The following BRIP1 variants were observed in gnomAD, a reference collection of about 807,000 sequenced individuals.
BRIP1 encodes BRCA1 interacting DNA helicase 1.
In BRIP1, 88 loss-of-function variants were observed where a neutral mutation model predicts 119.7. The observed-to-expected ratio is 0.74, with a 90% CI of 0.62 to 0.88. The LOEUF (loss-of-function observed/expected upper bound fraction) is 0.88, where lower values mean the gene tolerates loss of function less well. BRIP1 is among the 40% of genes least tolerant of loss of function. The pLI is 0.00. For synonymous variants in BRIP1, 443 were observed against 496.5 expected (o/e 0.89, Z 1.43); for missense variants, 1,259 against 1,455.4 (o/e 0.87, Z 2.20).
rs2077088319 is a variant in BRIP1, at chr17:61,748,522, A to G, written c.2098-3931T>C. On this transcript the variant is annotated intron_variant, in intron 14 of 19. Transcript: ENST00000259008. This position sits in a 1 kb window ranked among gnomAD's most constrained non-coding sequence, Gnocchi z 4.7. The stretch of plus-strand genomic sequence containing the variant: ...ACTTGGAATAATCAAAACAATCTTG[A>G]GAAAGAACAACAAAGCTAGAGGCAT... 1.3e-5 allele frequency among the ~76,000 whole-genome samples: 2 copies of G among 152,238 alleles called. No homozygotes were observed. The highest frequency in any genetic ancestry group is 2.9e-5 in the Non-Finnish European group (2 of 68,046).
At position 61,813,791 on chromosome 17, in the gene BRIP1, C is replaced by T. The variant is rs375644454; in HGVS notation, c.628-5034G>A. 1.5e-3 allele frequency among the ~76,000 whole-genome samples: 222 copies of T among 152,044 alleles called. 1 individual carries two copies. Among genetic ancestry groups the T allele is most frequent in the African/African-American group, 5.2e-3 (214 of 41,526 alleles). On this transcript the variant is annotated intron_variant, in intron 6 of 19. Coordinates refer to ENST00000259008, the MANE Select transcript of BRIP1 (RefSeq NM_032043.3). ...ATTGGAATCCCTATATATCAAGCCA[C>T]GGAGAAGACAATGACAAGGATCACC...
Position 61,799,439 on chromosome 17 carries a change from T to A in BRIP1, c.1141-140A>T. The A allele has an allele frequency of 2.9e-6, 2 of 681,866 alleles. No homozygotes were observed. Among genetic ancestry groups the A allele is most frequent in the Non-Finnish European group, 4.9e-6 (2 of 405,188 alleles). The allele number at this position is 681,866 out of a possible 1,614,324, so 42.2% of individuals were successfully genotyped here. ...CATAAGCAACAGAGATTCTAGGTCT[T>A]AAATAAAACTTCTGAAGCACTATGG... On this transcript the variant is annotated intron_variant, in intron 8 of 19. Transcript: ENST00000259008. This position sits in a 1 kb window ranked among gnomAD's most constrained non-coding sequence, Gnocchi z 5.1.
At position 61,808,677 on chromosome 17, in the gene BRIP1, A is replaced by T. The variant is rs775721645; in HGVS notation, c.708T>A (p.Asp236Glu). The T allele has an allele frequency of 6.2e-7, 1 of 1,613,894 alleles. No homozygotes were observed. Among genetic ancestry groups the T allele is most frequent in the Non-Finnish European group, 8.5e-7 (1 of 1,179,846 alleles). Residue 236 changes from aspartate (D) to glutamate (E), a missense_variant, in exon 7 of 20, where the codon GAT becomes GAA. Asp to Glu is a conservative substitution (Grantham distance 45). Around this residue, in one of 3 missense-constraint regions of BRIP1, gnomAD observed 501 missense variants for 544.0 expected, o/e 0.92. Transcript: ENST00000259008. The surrounding 1 kb of genome is among the most constrained non-coding windows in gnomAD (Gnocchi z 4.1). ...TGGGTATCTTGGATTTCCCTGTATGATCCTTCTTAATGGTATTCGATGACT... is the reference window on the plus strand; with the variant it reads ...TGGGTATCTTGGATTTCCCTGTATGTTCCTTCTTAATGGTATTCGATGACT... ...SQESSNTIKK[D>E]HTGKSKIPKI...
chr17:61,713,135 G>A lies in BRIP1; in HGVS notation c.2492+2816C>T, dbSNP rs1305933778. Reference sequence around the variant, plus strand: ...CATTATAGCACAATGCATTACAAGTGCTTGTGGCGATGCTGGTGTAAACAA... The same window carrying A: ...CATTATAGCACAATGCATTACAAGTACTTGTGGCGATGCTGGTGTAAACAA... On this transcript the variant is annotated intron_variant, in intron 17 of 19. Transcript: ENST00000259008. This position sits in a 1 kb window ranked among gnomAD's most constrained non-coding sequence, Gnocchi z 4.9. Among the ~76,000 whole-genome samples, 1 of 152,132 alleles carries A rather than the reference G, an allele frequency of 6.6e-6. No individual in the cohort carries two copies. The highest frequency in any genetic ancestry group is 2.4e-5 in the African/African-American group (1 of 41,412).
In BRIP1 at chr17:61,832,276, TC is replaced by T. The variant is rs1292314547; in HGVS notation, c.627+14824del. On this transcript the variant is annotated intron_variant, in intron 6 of 19. Coordinates refer to ENST00000259008, the MANE Select transcript of BRIP1 (RefSeq NM_032043.3). This position sits in a 1 kb window ranked among gnomAD's most constrained non-coding sequence, Gnocchi z 5.5. ...TTTCCCACTTGAGTACCAAAACAAA[TC>T]ATATAATAATTATAACTCACCGAAT... 1.3e-5 allele frequency among the ~76,000 whole-genome samples: 2 copies of T among 152,128 alleles called. No homozygotes were observed. Among genetic ancestry groups the T allele is most frequent in the Non-Finnish European group, 2.9e-5 (2 of 67,968 alleles).
At position 61,823,757 on chromosome 17, in the gene BRIP1, A is replaced by ACACAC. The variant is rs750774935; in HGVS notation, c.628-15001_628-15000insGTGTG. Among the ~76,000 whole-genome samples, 5 of 131,672 alleles carry ACACAC rather than the reference A, an allele frequency of 3.8e-5. No homozygotes were observed. The highest frequency in any genetic ancestry group is 1.3e-4 in the African/African-American group (5 of 37,740). 86.4% of individuals were successfully genotyped at this position (131,672 alleles called of 152,430 possible). ...GCTCAATGACCCCAAGCACACAATA[A>ACACAC]ACACACACACACACACACACACACA... On this transcript the variant is annotated intron_variant, in intron 6 of 19. Coordinates refer to ENST00000259008, the MANE Select transcript of BRIP1 (RefSeq NM_032043.3). This position sits in a 1 kb window ranked among gnomAD's most constrained non-coding sequence, Gnocchi z 4.8.
chr17:61,807,978 G>A lies in BRIP1; in HGVS notation c.918+489C>T, dbSNP rs2078098765. On this transcript the variant is annotated intron_variant, in intron 7 of 19. Coordinates refer to ENST00000259008, the MANE Select transcript of BRIP1 (RefSeq NM_032043.3). The surrounding 1 kb of genome is among the most constrained non-coding windows in gnomAD (Gnocchi z 4.5). ...TAATAATTTAGTATAACTTTTAAAA[G>A]AGGGGTTTGTATTTATCAGAATTAT... 6.6e-6 allele frequency among the ~76,000 whole-genome samples: 1 copy of A among 152,036 alleles called. No homozygotes were observed. The highest frequency in any genetic ancestry group is 1.5e-5 in the Non-Finnish European group (1 of 67,976).
rs964323878 is a variant in BRIP1 at position 61,860,005 on chromosome 17, T to C, written c.94-98A>G. 8.5e-6 allele frequency: 7 copies of C among 822,410 alleles called. No individual in the cohort carries two copies. Among genetic ancestry groups the C allele is most frequent in the African/African-American group, 6.8e-5 (4 of 58,904 alleles). The allele number at this position is 822,410 out of a possible 1,614,324, so 50.9% of individuals were successfully genotyped here. ...AATAGAACAGCAAGGAAAAGTGAGA[T>C]TGCACTCCAGGGAACACAACAATAG... On this transcript the variant is annotated intron_variant, in intron 2 of 19. Coordinates refer to ENST00000259008, the MANE Select transcript of BRIP1 (RefSeq NM_032043.3). The surrounding 1 kb of genome is among the most constrained non-coding windows in gnomAD (Gnocchi z 4.1).
In BRIP1 at chr17:61,851,896, G is replaced by A. The variant is rs141792056; in HGVS notation, c.380-2640C>T. Among the ~76,000 whole-genome samples the A allele has an allele frequency of 2.0e-4, 30 of 152,248 alleles. No homozygotes were observed. Among genetic ancestry groups the A allele is most frequent in the African/African-American group, 7.0e-4 (29 of 41,552 alleles). On this transcript the variant is annotated intron_variant, in intron 4 of 19. Transcript: ENST00000259008. This position sits in a 1 kb window ranked among gnomAD's most constrained non-coding sequence, Gnocchi z 4.6. ...ACCACTTCTCATCCCAGGCATACTG[G>A]GCAATGTCTGGAGACATTTTTCGTT...
rs2061648920 is a variant in BRIP1, at chr17:61,703,552, G to T, written c.2493-10040C>A. ...TCTGGATATTAGACGTTTGTAAGAT[G>T]CATAGTTTGCAAACATTTTCTCGCA... On this transcript the variant is annotated intron_variant, in intron 17 of 19. Coordinates refer to ENST00000259008, the MANE Select transcript of BRIP1 (RefSeq NM_032043.3). This position sits in a 1 kb window ranked among gnomAD's most constrained non-coding sequence, Gnocchi z 5.0. 6.6e-6 allele frequency among the ~76,000 whole-genome samples: 1 copy of T among 152,154 alleles called. No homozygotes were observed. The highest frequency in any genetic ancestry group is 2.4e-5 in the African/African-American group (1 of 41,430).
chr17:61,801,146 T>C, intron 8 of BRIP1, 107 bp downstream of exon 8: 1 of 948,926 alleles, frequency 1.1e-6, no homozygotes, highest in Non-Finnish European at 1.6e-6. Flanking sequence ...ACAAATTTAT[T>C]TACATAAATT....
chr17:61,814,326 C>T lies in BRIP1; in HGVS notation c.628-5569G>A, dbSNP rs1264950045. On this transcript the variant is annotated intron_variant, in intron 6 of 19. Transcript: ENST00000259008. This position sits in a 1 kb window ranked among gnomAD's most constrained non-coding sequence, Gnocchi z 4.9. ...AAGAAAAATAGGTAAAAAGGGGGCACAGGCTGACAGAAGATACTTGCAGTG... is the reference window on the plus strand; with the variant it reads ...AAGAAAAATAGGTAAAAAGGGGGCATAGGCTGACAGAAGATACTTGCAGTG... 6.6e-6 allele frequency among the ~76,000 whole-genome samples: 1 copy of T among 152,018 alleles called. No individual in the cohort carries two copies. The highest frequency in any genetic ancestry group is 6.6e-5 in the Admixed American group (1 of 15,264).
rs1327587646 is a variant in BRIP1, at chr17:61,686,792, C to T, written c.2576-627G>A. 6.6e-6 allele frequency among the ~76,000 whole-genome samples: 1 copy of T among 151,952 alleles called. No individual in the cohort carries two copies. The highest frequency in any genetic ancestry group is 1.5e-5 in the Non-Finnish European group (1 of 67,968). ...TTTGACCTGTGACATAAAAACTGCA[C>T]AAAAATGAAACCTAAGAGTTTAAGG... On this transcript the variant is annotated intron_variant, in intron 18 of 19. Coordinates refer to ENST00000259008, the MANE Select transcript of BRIP1 (RefSeq NM_032043.3). The surrounding 1 kb of genome is among the most constrained non-coding windows in gnomAD (Gnocchi z 5.4).
In BRIP1 at chr17:61,708,952, A is replaced by G. The variant is rs1437088364; in HGVS notation, c.2492+6999T>C. 3.9e-5 allele frequency among the ~76,000 whole-genome samples: 6 copies of G among 152,216 alleles called. No individual in the cohort carries two copies. Among genetic ancestry groups the G allele is most frequent in the Non-Finnish European group, 5.9e-5 (4 of 68,044 alleles). Reference sequence around the variant, plus strand: ...CATTCAGTATGTAAAATCCCCGTATATAATATTAACCTCCATCTTTAATAC... The same window carrying G: ...CATTCAGTATGTAAAATCCCCGTATGTAATATTAACCTCCATCTTTAATAC... On this transcript the variant is annotated intron_variant, in intron 17 of 19. Transcript: ENST00000259008. The surrounding 1 kb of genome is among the most constrained non-coding windows in gnomAD (Gnocchi z 4.4).
In BRIP1 at chr17:61,856,945, TAGAG is replaced by T. The variant is rs2078903452; in HGVS notation, c.379+109_379+112del. On this transcript the variant is annotated intron_variant, in intron 4 of 19. Transcript: ENST00000259008. This position sits in a 1 kb window ranked among gnomAD's most constrained non-coding sequence, Gnocchi z 5.1. ...TTAAAATCATTCCAGAGAAACTAGA[TAGAG>T]ATATATAATCAGTTATGCTAACCAA... 2 of 1,020,176 alleles carry T rather than the reference TAGAG, an allele frequency of 2.0e-6. No homozygotes were observed. Among genetic ancestry groups the T allele is most frequent in the Admixed American group, 3.5e-5 (2 of 57,264 alleles). The allele number at this position is 1,020,176 out of a possible 1,614,324, so 63.2% of individuals were successfully genotyped here. A position where few individuals can be genotyped will look rare whatever the true frequency, so the allele number is the denominator to read the frequency against.
Position 61,724,301 on chromosome 17 carries a change from G to T in BRIP1, c.2380-8238C>A, listed in dbSNP as rs923922099. ...TACCATTATATCATAATGTACTTGA[G>T]ATTGAACAGAAAGTTTCTTAAGTTC... On this transcript the variant is annotated intron_variant, in intron 16 of 19. Coordinates refer to ENST00000259008, the MANE Select transcript of BRIP1 (RefSeq NM_032043.3). The surrounding 1 kb of genome is among the most constrained non-coding windows in gnomAD (Gnocchi z 5.1). 1.3e-5 allele frequency among the ~76,000 whole-genome samples: 2 copies of T among 151,980 alleles called. No homozygotes were observed. Among genetic ancestry groups the T allele is most frequent in the South Asian group, 4.2e-4 (2 of 4,818 alleles).
chr17:61,801,319 T>G lies in BRIP1; in HGVS notation c.1074A>C (p.Leu358=), dbSNP rs771682192. The G allele has an allele frequency of 2.5e-6, 4 of 1,614,062 alleles. No individual in the cohort carries two copies. Among genetic ancestry groups the G allele is most frequent in the Admixed American group, 3.3e-5 (2 of 60,006 alleles). ...KACPYYTARE[L]IQDADIIFCP... The stretch of plus-strand genomic sequence containing the variant: ...AAAATATGATGTCAGCATCTTGTAT[T>G]AGTTCTCGGGCTGTGTAATATGGAC... Residue 358 remains leucine (L), a synonymous_variant, in exon 8 of 20, where the codon CTA becomes CTC. Coordinates refer to ENST00000259008, the MANE Select transcript of BRIP1 (RefSeq NM_032043.3).
At chr17:61,694,306 C>T (rs1263650524) in intron 17 of BRIP1, among the ~76,000 whole-genome samples, 1 of 151,988 alleles carries the variant, frequency 6.6e-6, no homozygotes, top group Non-Finnish European at 1.5e-5. Flanking sequence ...TAGAGAGTTG[C>T]CAATTCTGGA....
chr17:61,787,590 C>G (rs2077750129), intron 10 of BRIP1, among the ~76,000 whole-genome samples: 1 of 150,866 alleles, frequency 6.6e-6, no homozygotes, highest in Non-Finnish European at 1.5e-5. Flanking sequence ...GGGTGCAATA[C>G]TAGTAATTCC....
Sources: gnomAD v4.1 joint callset for allele counts (sites outside exome capture counted in the v4.1 genomes callset) on GRCh38, gnomAD v4.1.1 for gene constraint, gnomAD v4.1.1 regional missense constraint, Gnocchi (gnomAD v3.1) non-coding constraint, MANE v1.5 for transcripts, NCBI Gene and HGNC (gene_info 2026-07-23, HGNC 2026-07-21) for gene names.